VGLL4: variants seen among roughly 807,000 people sequenced by gnomAD.
VGLL4 encodes transcription cofactor vestigial-like protein 4.
VGLL4 carries 7 observed loss-of-function variants against 21.0 expected under a neutral mutation model. That is an observed-to-expected ratio of 0.33 (90% CI 0.19 to 0.63). The LOEUF is 0.63. Among genes scored for constraint, VGLL4 ranks in the 20% least tolerant of loss-of-function variants. The probability of loss-of-function intolerance (pLI) is 0.78; values close to 1 mark genes in which losing one functional copy is unlikely to be tolerated. For synonymous variants in VGLL4, 222 were observed against 173.2 expected, an observed-to-expected ratio of 1.28 and a Z score of -2.21; for missense variants, 394 against 425.7, an observed-to-expected ratio of 0.93 and a Z score of 0.66.
intron 4 of VGLL4, 54 bp downstream of exon 4, chr3:11,559,263 AGCATGACAGAGAAGG>A (rs1426897149): frequency 1.4e-6 from 2 of 1,464,224 alleles, no homozygotes; most frequent in Non-Finnish European, 1.8e-6. Context: ...TTCAGCCAAC[AGCATGACAGAGAAGG>A]GCTCTGCTGC....
chr3:11,558,237 A>C lies in VGLL4; in HGVS notation c.*319T>G. 2.4e-6 allele frequency: 1 copy of C among 410,196 alleles called. No individual in the cohort carries two copies. The highest frequency in any genetic ancestry group is 4.4e-6 in the Non-Finnish European group (1 of 227,924). 25.4% of individuals were successfully genotyped at this position (410,196 alleles called of 1,614,324 possible). Reference sequence around the variant, plus strand: ...ATTCATCATGGCTTGTGACTGAGAAAGCGCTGTGGAGTCCTGGCCCCGTCG... The same window carrying C: ...ATTCATCATGGCTTGTGACTGAGAACGCGCTGTGGAGTCCTGGCCCCGTCG... On this transcript the variant is annotated 3_prime_UTR_variant, in exon 5 of 5. Transcript: ENST00000430365.
chr3:11,705,296 G>A (rs1223479256), intron 1 of VGLL4, among the ~76,000 whole-genome samples: 1 of 152,222 alleles, frequency 6.6e-6, no homozygotes, highest in African/African-American at 2.4e-5. Context: ...GCACGCGGAG[G>A]GCAGCGAGGG....
intron 4 of VGLL4, 75 bp from the exon 5 acceptor site, chr3:11,558,902 C>T (rs2072694239): frequency 1.3e-6 from 2 of 1,539,098 alleles, no homozygotes; most frequent in Non-Finnish European, 1.8e-6. Flanking sequence ...AGCACCCTCC[C>T]TCAGGCAGCC....
rs2075737962 is a variant in VGLL4, at chr3:11,643,611, T to C, written c.-93A>G. On this transcript the variant is annotated 5_prime_UTR_variant, in exon 1 of 5. Coordinates refer to ENST00000430365, the MANE Select transcript of VGLL4 (RefSeq NM_001128219.3). ...TTGTTGCTGAGTAGCTCCTGGCTCT[T>C]CAACTTCACAAAGGCAGAGGCCCAG... 6.3e-7 allele frequency: 1 copy of C among 1,587,166 alleles called. No homozygotes were observed. Among genetic ancestry groups the C allele is most frequent in the Non-Finnish European group, 8.6e-7 (1 of 1,169,458 alleles).
chr3:11,624,553 G>A (rs1027090426), intron 1 of VGLL4, among the ~76,000 whole-genome samples: 11 of 151,912 alleles, frequency 7.2e-5, no homozygotes, highest in Non-Finnish European at 1.6e-4. Flanking sequence ...TGCCTCTTGA[G>A]AGATCAGGGA....
chr3:11,569,932 A>G (rs2073708326), intron 2 of VGLL4, among the ~76,000 whole-genome samples: 1 of 152,190 alleles, frequency 6.6e-6, no homozygotes, highest in Non-Finnish European at 1.5e-5. Context: ...CTTCCTCAGA[A>G]AACAGACTTA....
rs188460240 is a variant in VGLL4, at chr3:11,692,184, T to C, written c.64+10787A>G. On this transcript the variant is annotated intron_variant, in intron 2 of 5. Coordinates refer to the VGLL4 transcript ENST00000273038. ...TCTAAACAGCTATTCAGTGGAAGAATCTATTTTCAGCATCCATTATGCTAA... is the reference window on the plus strand; with the variant it reads ...TCTAAACAGCTATTCAGTGGAAGAACCTATTTTCAGCATCCATTATGCTAA... Among the ~76,000 whole-genome samples the C allele has an allele frequency of 2.2e-3, 336 of 152,302 alleles. 1 individual carries two copies. Among genetic ancestry groups the C allele is most frequent in the African/African-American group, 7.5e-3 (313 of 41,570 alleles).
At chr3:11,646,654 A>G (rs888275969), upstream of VGLL4, among the ~76,000 whole-genome samples, 5 of 152,254 alleles carry the variant, frequency 3.3e-5, no homozygotes, top group Admixed American at 6.5e-5. Flanking sequence ...GATTCAAACA[A>G]TACCATTGTA....
intron 2 of VGLL4, among the ~76,000 whole-genome samples, chr3:11,567,696 G>A (rs563717447): frequency 4.2e-4 from 64 of 152,310 alleles, no homozygotes; most frequent in African/African-American, 1.4e-3. Context: ...TCCGCGGAAC[G>A]GACGTCAGGC....
upstream of VGLL4, among the ~76,000 whole-genome samples, chr3:11,646,985 T>C (rs891771213): frequency 2.0e-5 from 3 of 152,244 alleles, no homozygotes; most frequent in African/African-American, 7.2e-5. Context: ...CAAATCTTAA[T>C]ATTAAAGAAA....
intron 1 of VGLL4, among the ~76,000 whole-genome samples, chr3:11,613,078 G>A (rs939613717): frequency 6.6e-6 from 1 of 151,926 alleles, no homozygotes; most frequent in African/African-American, 2.4e-5. Flanking sequence ...AAAAAAAAGA[G>A]GCTTGTTCAA....
intron 1 of VGLL4, chr3:11,612,737 T>C (rs2075087085): frequency 6.6e-6 from 1 of 152,216 alleles, no homozygotes; most frequent in Non-Finnish European, 1.5e-5. Context: ...ATCTGCCTAT[T>C]AGAACAGTGG....
intron 1 of VGLL4, among the ~76,000 whole-genome samples, chr3:11,602,781 A>G (rs866030835): frequency 9.2e-5 from 14 of 152,296 alleles, no homozygotes; most frequent in African/African-American, 3.4e-4. Context: ...AAGGTTTTGT[A>G]CTAGGCAATC....
rs115150882 is a variant in VGLL4 at position 11,671,562 on chromosome 3, C to T, written c.64+31409G>A. Among the ~76,000 whole-genome samples, 794 of 152,308 alleles carry T rather than the reference C, an allele frequency of 5.2e-3. 8 individuals are homozygous for T. Among genetic ancestry groups the T allele is most frequent in the African/African-American group, 0.018 (755 of 41,560 alleles). ...ATGAAAAGTCAAGGGTTCCACATCC[C>T]ACAAATACTCTATTCTTGATCTGCT... is the stretch of plus-strand genomic sequence containing the variant. On this transcript the variant is annotated intron_variant, in intron 2 of 5. Transcript: ENST00000273038.
At chr3:11,716,455 A>C (rs1198080199) in intron 1 of VGLL4, among the ~76,000 whole-genome samples, 1 of 152,186 alleles carries the variant, frequency 6.6e-6, no homozygotes, top group Non-Finnish European at 1.5e-5. Context: ...TGGGAGGCTC[A>C]AATTTTTCCC....
intron 2 of VGLL4, among the ~76,000 whole-genome samples, chr3:11,658,514 CCTCTT>C (rs2075988117): frequency 6.6e-6 from 1 of 151,568 alleles, no homozygotes; most frequent in African/African-American, 2.4e-5. Context: ...ACCTTCCAGT[CCTCTT>C]CTGACAGATC....
chr3:11,714,549 AAAAT>A (rs970297850), intron 1 of VGLL4, among the ~76,000 whole-genome samples: 4 of 150,648 alleles, frequency 2.7e-5, no homozygotes, highest in African/African-American at 7.4e-5. Flanking sequence ...AAAATAAAAT[AAAAT>A]AAATAAATAA....
intron 2 of VGLL4, among the ~76,000 whole-genome samples, chr3:11,649,731 G>C (rs1234021257): frequency 6.6e-6 from 1 of 152,178 alleles, no homozygotes; most frequent in Non-Finnish European, 1.5e-5. Context: ...CTCTACACTT[G>C]CAGAGCTTAT....
intron 1 of VGLL4, among the ~76,000 whole-genome samples, chr3:11,634,024 C>T (rs1038510568): frequency 2.6e-5 from 4 of 152,272 alleles, no homozygotes; most frequent in African/African-American, 9.6e-5. Context: ...AGGACCTCTT[C>T]AACCTATTCC....
Sources: allele counts gnomAD v4.1 joint callset (sites outside exome capture counted in the v4.1 genomes callset), GRCh38; gene constraint gnomAD v4.1.1; transcripts MANE v1.5; gene names NCBI Gene and HGNC (gene_info 2026-07-23, HGNC 2026-07-21).